RPA1: variants seen among roughly 807,000 people sequenced by gnomAD.
RPA1 encodes the protein replication protein A 70 kDa DNA-binding subunit.
In RPA1, 49 loss-of-function variants were observed where a neutral mutation model predicts 83.0. The observed-to-expected ratio is 0.59, with a 90% CI of 0.47 to 0.75. The LOEUF (loss-of-function observed/expected upper bound fraction) is 0.75, where lower values mean the gene tolerates loss of function less well. RPA1 is among the 30% of genes least tolerant of loss of function. RPA1 has a pLI of 0.00. For missense variants in RPA1, 693 were observed against 776.1 expected, an observed-to-expected ratio of 0.89 and a Z score of 1.27; for synonymous variants, 279 against 281.8, an observed-to-expected ratio of 0.99 and a Z score of 0.10.
At chr17:1,894,616 C>CT (rs1447672131) in intron 15 of RPA1, among the ~76,000 whole-genome samples, 2 of 152,192 alleles carry the variant, frequency 1.3e-5, no homozygotes, top group African/African-American at 4.8e-5. Flanking sequence ...CACCACCATC[C>CT]TTTTCCAGTA....
intron 1 of RPA1, among the ~76,000 whole-genome samples, chr17:1,830,328 C>T (rs1392105472): frequency 3.3e-5 from 5 of 152,238 alleles, no homozygotes; most frequent in Non-Finnish European, 7.3e-5. Flanking sequence ...GTCTTTAAAA[C>T]ATGCTCACAT....
intron 5 of RPA1, among the ~76,000 whole-genome samples, chr17:1,862,782 A>C: frequency 8.5e-6 from 1 of 117,296 alleles, no homozygotes. Context: ...AGTGCACTGG[A>C]ACGATCTCCG....
intron 4 of RPA1, among the ~76,000 whole-genome samples, chr17:1,850,724 T>C (rs1912461508): frequency 2.0e-5 from 3 of 151,850 alleles, no homozygotes; most frequent in African/African-American, 2.4e-5. Flanking sequence ...GGTGAAACCC[T>C]GTCTCTACTA....
Position 1,897,053 on chromosome 17 carries a change from ACTT to A in RPA1, c.1747-15_1747-13del, listed in dbSNP as rs1567832433. 3.2e-6 allele frequency: 5 copies of A among 1,553,830 alleles called. No homozygotes were observed. The Admixed American group carries it at 5.8e-5, about 18-fold the overall frequency. ...ACCACACTTTCACTGCTCACAAACT[ACTT>A]CTCCCTTTTTGAAGGACGAGTCTCG... On this transcript the variant is annotated splice_polypyrimidine_tract_variant and intron_variant, in intron 16 of 16. Coordinates refer to ENST00000254719, the MANE Select transcript of RPA1 (RefSeq NM_002945.5).
At chr17:1,862,591 G>A (rs765228283) in intron 5 of RPA1, among the ~76,000 whole-genome samples, 244 of 150,510 alleles carry the variant, frequency 1.6e-3, no homozygotes, top group Middle Eastern at 6.9e-3. Flanking sequence ...GCTAATTTTT[G>A]TATTTTTAGT....
intron 7 of RPA1, 133 bp downstream of exon 7, chr17:1,875,926 T>C: frequency 8.0e-5 from 48 of 601,482 alleles, no homozygotes; most frequent in Middle Eastern, 3.9e-4. Flanking sequence ...TTTACTCTTT[T>C]TTTTTTTTTT....
chr17:1,871,514 A>G (rs983633109), intron 5 of RPA1, among the ~76,000 whole-genome samples: 3 of 152,112 alleles, frequency 2.0e-5, no homozygotes, highest in Admixed American at 1.3e-4. Context: ...ACTCTAGGAA[A>G]GTTTTTTGAG....
At chr17:1,835,582 G>T (rs1377283414) in intron 1 of RPA1, among the ~76,000 whole-genome samples, 2 of 152,066 alleles carry the variant, frequency 1.3e-5, no homozygotes, top group African/African-American at 4.8e-5. Flanking sequence ...TTTGTTGTTT[G>T]TTGTTGTTTC....
chr17:1,871,774 T>G lies in RPA1; in HGVS notation c.362-660T>G, dbSNP rs1913383999. On this transcript the variant is annotated intron_variant, in intron 5 of 16. Transcript: ENST00000254719. ...CACGCTCATTTCCCCCCCTTTACTT[T>G]TAATCTTCCTGTTTCCTTGACACAC... Among the ~76,000 whole-genome samples, 4 of 152,156 alleles carry G rather than the reference T, an allele frequency of 2.6e-5. No individual in the cohort carries two copies. The South Asian group carries it at 8.3e-4, about 31-fold the overall frequency.
In RPA1 at chr17:1,843,989, ACT is replaced by A. The variant is rs751033928; in HGVS notation, c.157_158del (p.Leu53IlefsTer53). The A allele has an allele frequency of 4.3e-6, 7 of 1,612,288 alleles. No homozygotes were observed. Among genetic ancestry groups the A allele is most frequent in the African/African-American group, 4.0e-5 (3 of 74,812 alleles). ...ACTGCTCATGAGTGATGGATTGAAC[ACT>A]CTATCCTGTGAGTATGGTGTATCCA... is the stretch of plus-strand genomic sequence containing the variant. ...YRLLMSDGLN[T>X]LSSFMLATQL... On this transcript the variant is annotated frameshift_variant, in exon 3 of 17. Coordinates refer to ENST00000254719, the MANE Select transcript of RPA1 (RefSeq NM_002945.5). LOFTEE classifies it high-confidence loss of function.
chr17:1,854,095 A>G (rs1912599923), intron 5 of RPA1: 1 of 152,240 alleles, frequency 6.6e-6, no homozygotes, highest in Non-Finnish European at 1.5e-5. Flanking sequence ...ATAGAAAAGC[A>G]CATTGAAATA....
chr17:1,869,254 C>T (rs183727029), intron 5 of RPA1, among the ~76,000 whole-genome samples: 4 of 152,168 alleles, frequency 2.6e-5, no homozygotes, highest in East Asian at 3.9e-4. Context: ...TATCCTGTTT[C>T]GGCCGGGCAT....
At chr17:1,889,057 A>G (rs1232423037) in intron 14 of RPA1, among the ~76,000 whole-genome samples, 1 of 150,666 alleles carries the variant, frequency 6.6e-6, no homozygotes, top group African/African-American at 2.5e-5. Flanking sequence ...CATGCACGTC[A>G]TACAGCCATA....
At position 1,897,146 on chromosome 17, in the gene RPA1, A is replaced by G. The variant is rs1414750558; in HGVS notation, c.1822A>G (p.Met608Val). 1.9e-6 allele frequency: 3 copies of G among 1,562,042 alleles called. No homozygotes were observed. Among genetic ancestry groups the G allele is most frequent in the East Asian group, 2.4e-5 (1 of 41,796 alleles). ...DYREYGRRLV[M>V]SIRRSALM ...CAGAGAGTATGGCCGAAGGCTGGTC[A>G]TGAGCATCAGGAGAAGTGCATTGAT... The change falls in exon 17 of 17, where the codon ATG (methionine) becomes GTG (valine). Residue 608 changes from methionine to valine, a missense_variant. By Grantham distance (21) the Met-to-Val change is conservative. Transcript: ENST00000254719.
At position 1,853,173 on chromosome 17, in the gene RPA1, A is replaced by G. The variant is rs1478786122; in HGVS notation, c.345A>G (p.Pro115=). The G allele has an allele frequency of 3.1e-6, 5 of 1,614,038 alleles. No individual in the cohort carries two copies. The highest frequency in any genetic ancestry group is 4.2e-6 in the Non-Finnish European group (5 of 1,179,886). ...CAGTTGGAGTGAAGATTGGCAATCC[A>G]GTGCCCTATAATGAAGGTAAAATGC... is the stretch of plus-strand genomic sequence containing the variant. ...AEAVGVKIGN[P]VPYNEGLGQP... Residue 115 remains proline (P), a synonymous_variant, in exon 5 of 17, where the codon CCA becomes CCG. Transcript: ENST00000254719.
At chr17:1,891,011 CT>C (rs1365339278) in intron 14 of RPA1, among the ~76,000 whole-genome samples, 1 of 152,220 alleles carries the variant, frequency 6.6e-6, no homozygotes, top group Non-Finnish European at 1.5e-5. Context: ...TCACTTTTAA[CT>C]GGTTTCGTCA....
chr17:1,837,714 G>A (rs941276933), intron 1 of RPA1, among the ~76,000 whole-genome samples: 1 of 152,126 alleles, frequency 6.6e-6, no homozygotes, highest in Admixed American at 6.6e-5. Context: ...CTGGCCATTT[G>A]TATATCTTCA....
At position 1,853,143 on chromosome 17, in the gene RPA1, T is replaced by A. The variant is rs760914543; in HGVS notation, c.315T>A (p.Ala105=). The A allele has an allele frequency of 6.2e-6, 10 of 1,614,074 alleles. No individual in the cohort carries two copies. The highest frequency in any genetic ancestry group is 7.6e-6 in the Non-Finnish European group (9 of 1,180,036). ...TGGAATTAGAAGTTTTGAAGTCAGC[T>A]GAAGCAGTTGGAGTGAAGATTGGCA... ...ILMELEVLKS[A]EAVGVKIGNP... Residue 105 remains alanine, a synonymous_variant, in exon 5 of 17, where the codon GCT becomes GCA. Coordinates refer to ENST00000254719, the MANE Select transcript of RPA1 (RefSeq NM_002945.5).
rs1914481823 is a variant in RPA1, at chr17:1,897,318, A to G, written c.*143A>G. On this transcript the variant is annotated 3_prime_UTR_variant, in exon 17 of 17. Transcript: ENST00000254719. Reference sequence around the variant, plus strand: ...CTAAGCAATTTCCCCCCTCGTGCGCATCTCAGAACCCATCGGTAGGCAAAG... The same window carrying G: ...CTAAGCAATTTCCCCCCTCGTGCGCGTCTCAGAACCCATCGGTAGGCAAAG... The G allele has an allele frequency of 3.1e-6, 2 of 636,544 alleles. No homozygotes were observed. Among genetic ancestry groups the G allele is most frequent in the African/African-American group, 1.8e-5 (1 of 54,118 alleles). The allele number at this position is 636,544 out of a possible 1,614,324, so 39.4% of individuals were successfully genotyped here.
Sources: gnomAD v4.1 joint callset for allele counts (sites outside exome capture counted in the v4.1 genomes callset) on GRCh38, gnomAD v4.1.1 for gene constraint, MANE v1.5 for transcripts, NCBI Gene and HGNC (gene_info 2026-07-23, HGNC 2026-07-21) for gene names.